Variants in PIP4K2B observed in about 807,000 individuals in gnomAD.
PIP4K2B encodes phosphatidylinositol-5-phosphate 4-kinase type 2 beta.
A neutral mutation model predicts 42.0 loss-of-function variants in PIP4K2B; 3 were observed. The ratio of observed to expected loss-of-function variants is 0.07; its 90% confidence interval spans 0.03 to 0.18. The LOEUF is 0.18. PIP4K2B is among the 10% of genes least tolerant of loss of function. The probability of loss-of-function intolerance (pLI) is 1.00; values close to 1 mark genes in which losing one functional copy is unlikely to be tolerated. For synonymous variants in PIP4K2B, 204 were observed against 210.1 expected, an observed-to-expected ratio of 0.97 and a Z score of 0.25; for missense variants, 332 against 562.3, an observed-to-expected ratio of 0.59 and a Z score of 4.14.
intron 1 of PIP4K2B, among the ~76,000 whole-genome samples, chr17:38,787,949 G>A (rs533952361): frequency 1.3e-5 from 2 of 152,270 alleles, no homozygotes; most frequent in African/African-American, 4.8e-5. Context: ...GGGCACCACA[G>A]TGCTTGGCAC....
rs1048075077 is a variant in PIP4K2B, at chr17:38,765,741, G to A, written c.*3950C>T. On this transcript the variant is annotated 3_prime_UTR_variant, in exon 10 of 10. Coordinates refer to ENST00000619039, the MANE Select transcript of PIP4K2B (RefSeq NM_003559.5). ...TTTTTCCTCAGGTTGGAGATTCATC[G>A]TAACATGCATGCATTTTCAAACAGT... The A allele has an allele frequency of 4.6e-5, 7 of 152,420 alleles. No homozygotes were observed. Among genetic ancestry groups the A allele is most frequent in the Non-Finnish European group, 1.0e-4 (7 of 68,036 alleles). 9.4% of individuals were successfully genotyped at this position (152,420 alleles called of 1,614,324 possible). A position where few individuals can be genotyped will look rare whatever the true frequency, so the allele number is the denominator to read the frequency against.
rs1383820187 is a variant in PIP4K2B at position 38,771,121 on chromosome 17, T to C, written c.959A>G (p.Tyr320Cys). Residue 320 changes from tyrosine (Y) to cysteine (C), a missense_variant, in exon 8 of 10, where the codon TAT becomes TGT. Physicochemically the swap from Tyr to Cys is radical, Grantham distance 194. Transcript: ENST00000619039. ...DGVGGNLLCSYGTPPDSPGNL... is the reference protein window; with the variant it reads ...DGVGGNLLCSCGTPPDSPGNL... ...GCCAGGGCTGTCCGGAGGTGTGCCA[T>C]AGGAGCAGAGTAGGTTGCCACCCAC... is the stretch of plus-strand genomic sequence containing the variant. 3 of 1,613,884 alleles carry C rather than the reference T, an allele frequency of 1.9e-6. No homozygotes were observed. The highest frequency in any genetic ancestry group is 2.2e-5 in the East Asian group (1 of 44,882).
At position 38,780,514 on chromosome 17, in the gene PIP4K2B, T is replaced by C. The variant is rs775701154; in HGVS notation, c.445A>G (p.Ile149Val). ...FLTTYDRRFV[I>V]KTVSSEDVAE... ...ACGTCCTCGCTGGACACAGTCTTGA[T>C]GACAAAGCGCCGGTCGTAGGTGGTG... Residue 149 changes from isoleucine to valine, a missense_variant, in exon 4 of 10, where the codon ATC (isoleucine) becomes GTC (valine). By Grantham distance (29) the Ile-to-Val change is conservative (BLOSUM62 3). Around this residue, in one of 6 missense-constraint regions of PIP4K2B, gnomAD observed 186 missense variants for 288.4 expected, o/e 0.64. Transcript: ENST00000619039. 1 of 1,613,974 alleles carries C rather than the reference T, an allele frequency of 6.2e-7. No homozygotes were observed. The highest frequency in any genetic ancestry group is 8.5e-7 in the Non-Finnish European group (1 of 1,179,952).
At chr17:38,774,720 A>T (rs1909229113) in intron 7 of PIP4K2B, among the ~76,000 whole-genome samples, 1 of 151,960 alleles carries the variant, frequency 6.6e-6, no homozygotes. Context: ...CAGTGAGCCA[A>T]GATCGCGCCA....
intron 5 of PIP4K2B, 67 bp downstream of exon 5, chr17:38,779,316 G>T: frequency 1.4e-6 from 2 of 1,466,134 alleles, no homozygotes; most frequent in East Asian, 2.3e-5. Context: ...ATGGAAGTTG[G>T]AGTAGTGGCC....
intron 5 of PIP4K2B, 91 bp downstream of exon 5, chr17:38,779,292 A>G: frequency 1.5e-6 from 2 of 1,310,042 alleles, no homozygotes; most frequent in East Asian, 2.3e-5. Context: ...CATAGGCTCC[A>G]GCTTCCCAAT....
At position 38,780,507 on chromosome 17, in the gene PIP4K2B, G is replaced by A; in HGVS notation, c.452C>T (p.Thr151Ile). ...CTCCGCCACGTCCTCGCTGGACACA[G>A]TCTTGATGACAAAGCGCCGGTCGTA... ...TTYDRRFVIK[T>I]VSSEDVAEMH... is the part of the protein sequence containing the mutation. Residue 151 changes from threonine (T) to isoleucine (I), a missense_variant, in exon 4 of 10, where the codon ACT becomes ATT. Physicochemically the swap from Thr to Ile is moderately conservative, Grantham distance 89. Transcript: ENST00000619039. 2 of 1,614,080 alleles carry A rather than the reference G, an allele frequency of 1.2e-6. No homozygotes were observed. The highest frequency in any genetic ancestry group is 1.7e-6 in the Non-Finnish European group (2 of 1,179,924).
In PIP4K2B at chr17:38,779,400, G is replaced by A. The variant is rs745533506; in HGVS notation, c.637C>T (p.Arg213Cys). Reference protein sequence around the residue: ...NVFSHRLTVHRKYDLKGSTVA... With the variant: ...NVFSHRLTVHCKYDLKGSTVA... ...CCCTTTACCTTGAGGTCATACTTGC[G>A]ATGCACAGTGAGCCGATGGCTGAAC... The change falls in exon 5 of 10, where the codon CGC becomes TGC. Residue 213 changes from arginine to cysteine, a missense_variant. This residue lies in a region of PIP4K2B where 16 missense variants were observed against 57.0 expected (regional missense o/e 0.28). Coordinates refer to ENST00000619039, the MANE Select transcript of PIP4K2B (RefSeq NM_003559.5). 2.5e-6 allele frequency: 4 copies of A among 1,612,150 alleles called. No individual in the cohort carries two copies. The highest frequency in any genetic ancestry group is 3.4e-6 in the Non-Finnish European group (4 of 1,179,412).
chr17:38,778,266 C>T, intron 6 of PIP4K2B, 68 bp downstream of exon 6: 2 of 1,452,122 alleles, frequency 1.4e-6, no homozygotes, highest in Non-Finnish European at 1.9e-6. Context: ...GGGCGAGGGA[C>T]AGGATGGCCG....
At chr17:38,778,006 T>G (rs185407072) in intron 6 of PIP4K2B, among the ~76,000 whole-genome samples, 3 of 152,310 alleles carry the variant, frequency 2.0e-5, no homozygotes, top group East Asian at 3.9e-4. Context: ...AGATGAGGAA[T>G]GACTAAAGGA....
chr17:38,776,654 C>A (rs533306411), intron 7 of PIP4K2B: 206 of 433,266 alleles, frequency 4.8e-4, no homozygotes, highest in Admixed American at 1.3e-3. Context: ...AACAAACAAA[C>A]AAAAAAAACA....
intron 3 of PIP4K2B, among the ~76,000 whole-genome samples, chr17:38,781,737 G>T (rs184645988): frequency 6.6e-6 from 1 of 151,864 alleles, no homozygotes; most frequent in African/African-American, 2.4e-5. Flanking sequence ...GGCTGGTCTA[G>T]AACTCCTGAG....
At chr17:38,798,482 A>G (rs1910766163) in intron 1 of PIP4K2B, among the ~76,000 whole-genome samples, 1 of 152,186 alleles carries the variant, frequency 6.6e-6, no homozygotes, top group Non-Finnish European at 1.5e-5. Context: ...TAGGACCATA[A>G]TCACTATGCA....
intron 1 of PIP4K2B, among the ~76,000 whole-genome samples, chr17:38,789,769 G>A (rs148854355): frequency 0.014 from 2,184 of 152,268 alleles, 173 homozygotes; most frequent in Admixed American, 0.13. Flanking sequence ...GAATGCACGT[G>A]CTTTGAGAGG....
At chr17:38,777,554 C>T (rs1909431793) in intron 7 of PIP4K2B, 133 bp downstream of exon 7, 3 of 669,190 alleles carry the variant, frequency 4.5e-6, no homozygotes, top group Non-Finnish European at 8.1e-6. Context: ...CATAAGTGCC[C>T]ACGCTGCTCA....
chr17:38,788,177 AATTTATTTATTT>A (rs56975985), intron 1 of PIP4K2B, among the ~76,000 whole-genome samples: 266 of 144,416 alleles, frequency 1.8e-3, no homozygotes, highest in African/African-American at 4.9e-3. Context: ...TAATAGATTA[AATTTATTTATTT>A]ATTTATTTAT....
intron 3 of PIP4K2B, 52 bp downstream of exon 3, chr17:38,784,191 C>T: frequency 3.6e-6 from 4 of 1,098,350 alleles, no homozygotes; most frequent in Non-Finnish European, 5.6e-6. Flanking sequence ...CCTGTGGCTT[C>T]CTGACCCCAT....
chr17:38,798,353 C>T (rs1364090439), intron 1 of PIP4K2B, among the ~76,000 whole-genome samples: 2 of 152,142 alleles, frequency 1.3e-5, no homozygotes, highest in African/African-American at 4.8e-5. Flanking sequence ...AATAAAGACC[C>T]TGAACAAACA....
At chr17:38,787,014 G>C (rs377390067) in intron 1 of PIP4K2B, 94 bp from the exon 2 acceptor site, 47 of 830,160 alleles carry the variant, frequency 5.7e-5, no homozygotes, top group East Asian at 2.4e-4. Flanking sequence ...CTTGCTAAAA[G>C]CATGTCCAAG....
Sources: gnomAD v4.1 joint callset for allele counts (sites outside exome capture counted in the v4.1 genomes callset) on GRCh38, gnomAD v4.1.1 for gene constraint, gnomAD v4.1.1 regional missense constraint, MANE v1.5 for transcripts, NCBI Gene and HGNC (gene_info 2026-07-23, HGNC 2026-07-21) for gene names.